The following DCT variants were observed in gnomAD, a reference collection of about 807,000 sequenced individuals.
DCT encodes the protein dopachrome tautomerase.
DCT carries 47 observed loss-of-function variants against 53.0 expected under a neutral mutation model. The ratio of observed to expected loss-of-function variants is 0.89; its 90% CI spans 0.70 to 1.13. DCT has a LOEUF of 1.13. DCT is among the 50% of genes most tolerant of loss of function. DCT has a pLI of 0.00. For synonymous variants in DCT, 244 were observed against 237.0 expected (o/e 1.03, Z -0.27); for missense variants, 669 against 637.4 (o/e 1.05, Z -0.53).
At chr13:94,464,512 T>C (rs1318169797) in intron 4 of DCT, among the ~76,000 whole-genome samples, 1 of 152,018 alleles carries the variant, frequency 6.6e-6, no homozygotes, top group African/African-American at 2.4e-5. Context: ...TGGTTGCGCA[T>C]GCCTGTAATC....
At chr13:94,541,396 C>T in the DCT span, among the ~76,000 whole-genome samples, 8 of 151,502 alleles carry the variant, frequency 5.3e-5, no homozygotes, top group Non-Finnish European at 8.8e-5. Flanking sequence ...CCCAGTTACT[C>T]GGGAGACTGA....
At chr13:94,498,700 A>G in the DCT span, among the ~76,000 whole-genome samples, 2 of 152,220 alleles carry the variant, frequency 1.3e-5, no homozygotes, top group Admixed American at 6.5e-5. Flanking sequence ...GGTGAAGCCA[A>G]CTGGACTTCC....
chr13:94,443,288 C>T (rs192963547), intron 7 of DCT, 148 bp downstream of exon 7: 46 of 634,874 alleles, frequency 7.2e-5, no homozygotes, highest in East Asian at 3.8e-4. Flanking sequence ...TTGCTAAATA[C>T]GTATATGCTA....
intron 1 of DCT, among the ~76,000 whole-genome samples, chr13:94,477,086 G>T (rs1885135736): frequency 6.6e-6 from 1 of 151,986 alleles, no homozygotes; most frequent in African/African-American, 2.4e-5. Context: ...TATAAAGCCA[G>T]AACTATTTAT....
intron 4 of DCT, among the ~76,000 whole-genome samples, chr13:94,462,941 C>G (rs1372219790): frequency 6.6e-6 from 1 of 152,054 alleles, no homozygotes; most frequent in Non-Finnish European, 1.5e-5. Context: ...AGAGTAAAAG[C>G]AGATGAAAGT....
Position 94,468,873 on chromosome 13 carries a change from G to T in DCT, c.468C>A (p.Tyr156Ter). Residue 156 changes from tyrosine to a stop codon, truncating the protein, a stop_gained, in exon 2 of 8, where the codon TAC (tyrosine) becomes TAA (stop). Transcript: ENST00000377028. LOFTEE classifies it high-confidence loss of function. ...DLAKKRVHPD[Y>*]VITTQHWLGL... ...CCAGCCAGTGTTGTGTGGTGATCAC[G>T]TAGTCGGGGTGTACTCTCTTCTTCG... 1.2e-6 allele frequency: 2 copies of T among 1,614,148 alleles called. No homozygotes were observed. Among genetic ancestry groups the T allele is most frequent in the Non-Finnish European group, 1.7e-6 (2 of 1,180,024 alleles).
the DCT span, among the ~76,000 whole-genome samples, chr13:94,526,497 A>G: frequency 2.6e-5 from 4 of 152,152 alleles, no homozygotes; most frequent in African/African-American, 7.2e-5. Flanking sequence ...TTAGCTGGGC[A>G]TGGTGGCATG....
the DCT span, among the ~76,000 whole-genome samples, chr13:94,546,898 C>T: frequency 3.9e-5 from 6 of 152,144 alleles, no homozygotes; most frequent in South Asian, 4.2e-4. This position sits in a 1 kb window ranked among gnomAD's most constrained non-coding sequence, Gnocchi z 4.2. Flanking sequence ...ATGGGTACAA[C>T]GCCAGTAAAC....
the DCT span, among the ~76,000 whole-genome samples, chr13:94,535,930 C>G: frequency 1.3e-5 from 2 of 152,148 alleles, no homozygotes; most frequent in Non-Finnish European, 2.9e-5. Flanking sequence ...TCCTGCCACC[C>G]GTAGAGGCTC....
chr13:94,445,235 C>T (rs1415811909), intron 6 of DCT, among the ~76,000 whole-genome samples: 2 of 152,196 alleles, frequency 1.3e-5, no homozygotes, highest in South Asian at 4.1e-4. Context: ...ATCTGGCCTT[C>T]CCTTGAAACT....
chr13:94,527,383 C>T, the DCT span, among the ~76,000 whole-genome samples: 9 of 152,110 alleles, frequency 5.9e-5, no homozygotes, highest in South Asian at 2.1e-4. Context: ...CAGTAGGGGC[C>T]GACAGACACC....
chr13:94,491,178 A>G, the DCT span, among the ~76,000 whole-genome samples: 5 of 152,302 alleles, frequency 3.3e-5, no homozygotes, highest in Non-Finnish European at 4.4e-5. Flanking sequence ...CAAACAATAA[A>G]AATTTATCAT....
chr13:94,547,984 A>AAAAAAAAAAAAATATATATATATAT, the DCT span, among the ~76,000 whole-genome samples: 1 of 65,844 alleles, frequency 1.5e-5, no homozygotes, highest in African/African-American at 1.3e-4. Context: ...AAAAAAAAAA[A>AAAAAAAAAAAAATATATATATATAT]ATATATATAT....
intron 1 of DCT, among the ~76,000 whole-genome samples, chr13:94,477,517 T>G (rs139593908): frequency 6.6e-6 from 1 of 152,164 alleles, no homozygotes; most frequent in Non-Finnish European, 1.5e-5. Context: ...GGTCAAAGGT[T>G]GAAAAACTAC....
At chr13:94,520,883 G>A in the DCT span, among the ~76,000 whole-genome samples, 5 of 152,116 alleles carry the variant, frequency 3.3e-5, no homozygotes, top group African/African-American at 9.7e-5. Context: ...TAAATCACAC[G>A]GTAAATATTT....
the DCT span, among the ~76,000 whole-genome samples, chr13:94,520,618 C>T: frequency 6.6e-6 from 1 of 152,186 alleles, no homozygotes; most frequent in Non-Finnish European, 1.5e-5. Flanking sequence ...CAGGAAGAAT[C>T]AACCTAGCCT....
rs759615478 is a variant in DCT at position 94,439,858 on chromosome 13, G to A, written c.*40C>T. On this transcript the variant is annotated 3_prime_UTR_variant, in exon 8 of 8. Coordinates refer to ENST00000377028, the MANE Select transcript of DCT (RefSeq NM_001922.5). ...CCTTTATTGTCAGCGTCAGAACTGT[G>A]GCTTGGCCAGCCTCTTCTCTTAGGT... is the stretch of plus-strand genomic sequence containing the variant. 2 of 1,520,294 alleles carry A rather than the reference G, an allele frequency of 1.3e-6. No homozygotes were observed. Among genetic ancestry groups the A allele is most frequent in the African/African-American group, 1.4e-5 (1 of 71,916 alleles). The allele number at this position is 1,520,294 out of a possible 1,614,324, so 94.2% of individuals were successfully genotyped here. A position where few individuals can be genotyped will look rare whatever the true frequency, so the allele number is the denominator to read the frequency against.
chr13:94,450,718 C>T (rs1255431708), intron 6 of DCT, among the ~76,000 whole-genome samples: 1 of 152,052 alleles, frequency 6.6e-6, no homozygotes, highest in Non-Finnish European at 1.5e-5. Context: ...AAGAAGTGAC[C>T]AGTTCAACAT....
chr13:94,459,296 C>T (rs908157527), intron 6 of DCT, among the ~76,000 whole-genome samples: 6 of 152,170 alleles, frequency 3.9e-5, no homozygotes, highest in African/African-American at 7.2e-5. Flanking sequence ...ATCCTATTTA[C>T]TGTCTGTATT....
Sources: allele counts gnomAD v4.1 joint callset (sites outside exome capture counted in the v4.1 genomes callset), GRCh38; gene constraint gnomAD v4.1.1; non-coding constraint Gnocchi (gnomAD v3.1); transcripts MANE v1.5; gene names NCBI Gene and HGNC (gene_info 2026-07-23, HGNC 2026-07-21).